CDH13: variants seen among roughly 807,000 people sequenced by gnomAD.
CDH13 encodes the protein cadherin-13.
Under a neutral mutation model 63.8 loss-of-function variants are expected in CDH13, and 24 were observed. That is an observed-to-expected ratio of 0.38 (90% CI 0.27 to 0.53). The LOEUF (loss-of-function observed/expected upper bound fraction) is 0.53, where lower values mean the gene tolerates loss of function less well. CDH13 is among the 20% of genes least tolerant of loss of function. The pLI is 0.85. For missense variants in CDH13, 1,049 were observed against 903.1 expected (o/e 1.16, Z -2.07); for synonymous variants, 503 against 355.3 (o/e 1.42, Z -4.67).
intron 7 of CDH13, among the ~76,000 whole-genome samples, chr16:83,536,696 TGGAGAA>T: frequency 6.6e-6 from 1 of 152,032 alleles, no homozygotes; most frequent in Non-Finnish European, 1.5e-5. Context: ...TAAGGGGAGA[TGGAGAA>T]GGAGATAAGA....
intron 10 of CDH13, among the ~76,000 whole-genome samples, chr16:83,743,865 C>T (rs568846059): frequency 2.7e-5 from 4 of 148,320 alleles, no homozygotes; most frequent in African/African-American, 9.9e-5. Flanking sequence ...TCTACTCGGC[C>T]CTGGGGGTGC....
chr16:83,779,268 A>C (rs942099828), intron 11 of CDH13, among the ~76,000 whole-genome samples: 4 of 151,906 alleles, frequency 2.6e-5, no homozygotes, highest in African/African-American at 9.7e-5. Flanking sequence ...TTAGCCGGGC[A>C]TGATGGCAGG....
At chr16:82,841,106 C>T (rs2038990683) in intron 1 of CDH13, among the ~76,000 whole-genome samples, 1 of 152,202 alleles carries the variant, frequency 6.6e-6, no homozygotes, top group African/African-American at 2.4e-5. Context: ...AGAAATGAGG[C>T]CTGTCCATCA....
chr16:82,884,083 T>C, intron 2 of CDH13: 1 of 433,668 alleles, frequency 2.3e-6, no homozygotes, highest in Non-Finnish European at 4.6e-6. Flanking sequence ...AAGTGCCATG[T>C]AGATGTTCAT....
chr16:83,442,584 A>C (rs2072510850), intron 6 of CDH13, among the ~76,000 whole-genome samples: 1 of 152,176 alleles, frequency 6.6e-6, no homozygotes, highest in Admixed American at 6.5e-5. Flanking sequence ...ATAGATTTAT[A>C]GTCAATACTT....
chr16:83,111,967 T>G (rs1304788192), intron 3 of CDH13, among the ~76,000 whole-genome samples: 2 of 152,230 alleles, frequency 1.3e-5, no homozygotes, highest in African/African-American at 2.4e-5. Context: ...AAACTCTTAT[T>G]CCTTAAATAT....
At chr16:83,691,070 CCGTGTGTG>C (rs1249463911) in intron 10 of CDH13, among the ~76,000 whole-genome samples, 7 of 105,388 alleles carry the variant, frequency 6.6e-5, no homozygotes, top group Admixed American at 2.4e-4. Context: ...ACCAACTGTG[CCGTGTGTG>C]TGTGTGTGTG....
intron 6 of CDH13, among the ~76,000 whole-genome samples, chr16:83,408,083 G>C (rs746583665): frequency 6.6e-6 from 1 of 152,164 alleles, no homozygotes; most frequent in Non-Finnish European, 1.5e-5. Context: ...CTGTGTTGGG[G>C]ACAACGTTCA....
At chr16:82,785,443 T>C (rs981990114) in intron 1 of CDH13, among the ~76,000 whole-genome samples, 1 of 152,228 alleles carries the variant, frequency 6.6e-6, no homozygotes, top group Non-Finnish European at 1.5e-5. Flanking sequence ...TGTGCACTTC[T>C]GCGGACTTTG....
intron 3 of CDH13, among the ~76,000 whole-genome samples, chr16:83,033,583 C>G (rs559879497): frequency 2.2e-4 from 33 of 152,136 alleles, no homozygotes; most frequent in Admixed American, 1.7e-3. Context: ...AATTGCATAT[C>G]GTGCTTCTCG....
intron 5 of CDH13, among the ~76,000 whole-genome samples, chr16:83,327,329 C>T (rs1056889272): frequency 6.6e-6 from 1 of 152,216 alleles, no homozygotes; most frequent in Admixed American, 6.5e-5. Context: ...AACAGGCAGA[C>T]AGGCTTTTGC....
intron 3 of CDH13, among the ~76,000 whole-genome samples, chr16:83,109,690 T>C (rs1046684566): frequency 6.6e-6 from 1 of 152,122 alleles, no homozygotes; most frequent in Non-Finnish European, 1.5e-5. Context: ...TACATATGTG[T>C]ATTAGAAAAA....
intron 1 of CDH13, among the ~76,000 whole-genome samples, chr16:82,779,957 A>G (rs557793223): frequency 1.3e-5 from 2 of 152,140 alleles, no homozygotes; most frequent in African/African-American, 4.8e-5. Context: ...ACTGCATCTT[A>G]CCTTGACAGG....
At chr16:82,709,728 T>A (rs1004443651) in intron 1 of CDH13, among the ~76,000 whole-genome samples, 3 of 152,146 alleles carry the variant, frequency 2.0e-5, no homozygotes, top group Non-Finnish European at 4.4e-5. Context: ...AGAAAAGATA[T>A]GGTAAAGAGG....
At chr16:83,680,109 C>A (rs1472646906) in intron 10 of CDH13, among the ~76,000 whole-genome samples, 3 of 152,196 alleles carry the variant, frequency 2.0e-5, no homozygotes, top group Non-Finnish European at 4.4e-5. Flanking sequence ...TCTGAAGAAC[C>A]CGCTCGAGAT....
chr16:82,731,537 G>T (rs1030748816), intron 1 of CDH13, among the ~76,000 whole-genome samples: 1 of 152,200 alleles, frequency 6.6e-6, no homozygotes, highest in South Asian at 2.1e-4. Context: ...CAAAGAAGCT[G>T]CTCAAGACAT....
intron 1 of CDH13, among the ~76,000 whole-genome samples, chr16:82,747,627 G>C (rs1299611584): frequency 6.6e-6 from 1 of 152,164 alleles, no homozygotes; most frequent in African/African-American, 2.4e-5. Context: ...AATTCTGATG[G>C]CTAGAGTTTG....
chr16:82,940,083 G>T (rs1180840212), intron 2 of CDH13, among the ~76,000 whole-genome samples: 1 of 152,124 alleles, frequency 6.6e-6, no homozygotes, highest in African/African-American at 2.4e-5. Flanking sequence ...GAACAGTATG[G>T]GGGAAAGTGC....
intron 2 of CDH13, among the ~76,000 whole-genome samples, chr16:82,896,336 G>C (rs2041260598): frequency 7.4e-6 from 1 of 134,392 alleles, no homozygotes; most frequent in East Asian, 2.5e-4. Flanking sequence ...CTGTCTCCCA[G>C]GCTGGAGTGC....
Sources: gnomAD v4.1 joint callset for allele counts (sites outside exome capture counted in the v4.1 genomes callset) on GRCh38, gnomAD v4.1.1 for gene constraint, MANE v1.5 for transcripts, NCBI Gene and HGNC (gene_info 2026-07-23, HGNC 2026-07-21) for gene names.